DIAPH3: variants seen among roughly 807,000 people sequenced by gnomAD.
The protein encoded by DIAPH3 is diaphanous related formin 3.
A neutral mutation model predicts 144.3 loss-of-function variants in DIAPH3; 117 were observed. The ratio of observed to expected loss-of-function variants is 0.81; its 90% CI spans 0.70 to 0.95. The LOEUF (loss-of-function observed/expected upper bound fraction) is 0.95. Among genes scored for constraint, DIAPH3 ranks in the 40% least tolerant of loss-of-function variants. DIAPH3 has a pLI of 0.00. For missense variants in DIAPH3, 1,421 were observed against 1,412.7 expected (o/e 1.01, Z -0.09); for synonymous variants, 519 against 488.9 (o/e 1.06, Z -0.81).
intron 4 of DIAPH3, among the ~76,000 whole-genome samples, chr13:60,063,311 C>T (rs926515735): frequency 3.3e-5 from 5 of 152,176 alleles, no homozygotes; most frequent in Non-Finnish European, 7.3e-5. Flanking sequence ...ACCTCTAATT[C>T]TAGATCTCTT....
intron 22 of DIAPH3, among the ~76,000 whole-genome samples, chr13:59,854,276 G>T (rs772130463): frequency 5.9e-5 from 9 of 152,172 alleles, no homozygotes; most frequent in African/African-American, 1.9e-4. Context: ...CTAATACTAT[G>T]ATTTCAGAGA....
chr13:59,762,349 C>T (rs111410346), intron 27 of DIAPH3, among the ~76,000 whole-genome samples: 1,618 of 152,150 alleles, frequency 0.011, 44 homozygotes, highest in African/African-American at 0.036. Context: ...CGTGAGCCAC[C>T]GCGCCCGGCT....
At chr13:59,906,330 A>T (rs2046736985) in intron 20 of DIAPH3, among the ~76,000 whole-genome samples, 1 of 152,224 alleles carries the variant, frequency 6.6e-6, no homozygotes, top group Non-Finnish European at 1.5e-5. Flanking sequence ...TGGATTTTTT[A>T]AAATGTTCAC....
At chr13:59,895,923 G>C (rs781351828) in intron 20 of DIAPH3, among the ~76,000 whole-genome samples, 6 of 152,164 alleles carry the variant, frequency 3.9e-5, no homozygotes, top group Non-Finnish European at 7.4e-5. Context: ...AGAAAATAGG[G>C]ACAAGATTGA....
chr13:59,817,453 T>A (rs1301135612), intron 24 of DIAPH3, among the ~76,000 whole-genome samples: 1 of 151,922 alleles, frequency 6.6e-6, no homozygotes, highest in Non-Finnish European at 1.5e-5. Flanking sequence ...AATTAATGTC[T>A]TGAGTCAATT....
chr13:59,832,422 T>C (rs758353842), intron 24 of DIAPH3, among the ~76,000 whole-genome samples: 6 of 151,744 alleles, frequency 4.0e-5, no homozygotes, highest in Non-Finnish European at 8.8e-5. Context: ...CACAAACAAT[T>C]GCTAAAATAC....
intron 27 of DIAPH3, among the ~76,000 whole-genome samples, chr13:59,769,511 G>A (rs2038016564): frequency 6.6e-6 from 1 of 151,718 alleles, no homozygotes; most frequent in South Asian, 2.1e-4. Flanking sequence ...ATTCTCTGTG[G>A]GGGTGTCTTA....
At chr13:59,969,653 A>G (rs978646823) in intron 17 of DIAPH3, among the ~76,000 whole-genome samples, 8 of 152,188 alleles carry the variant, frequency 5.3e-5, no homozygotes, top group African/African-American at 1.7e-4. Flanking sequence ...CAAAACTGTC[A>G]CAGAAAATAT....
intron 1 of DIAPH3, among the ~76,000 whole-genome samples, chr13:60,139,154 G>A (rs2059371465): frequency 6.6e-6 from 1 of 152,208 alleles, no homozygotes; most frequent in South Asian, 2.1e-4. Context: ...ACACATAGAT[G>A]TGAAAATATT....
intron 5 of DIAPH3, among the ~76,000 whole-genome samples, chr13:60,026,477 T>G (rs2054381881): frequency 6.6e-6 from 1 of 152,144 alleles, no homozygotes; most frequent in African/African-American, 2.4e-5. Context: ...CTGTTCTTCT[T>G]TAAAGCACCA....
At chr13:59,733,324 C>G (rs757584882) in intron 27 of DIAPH3, among the ~76,000 whole-genome samples, 11 of 152,112 alleles carry the variant, frequency 7.2e-5, no homozygotes, top group Non-Finnish European at 7.4e-5. Context: ...TTCCTCAAAA[C>G]AAATAACAAA....
intron 20 of DIAPH3, among the ~76,000 whole-genome samples, chr13:59,901,867 T>C (rs936635281): frequency 9.2e-5 from 14 of 152,306 alleles, no homozygotes; most frequent in African/African-American, 3.1e-4. Context: ...CCAGGAGGCA[T>C]TCCCCAGGCT....
At chr13:60,089,377 A>G (rs2057855466) in intron 4 of DIAPH3, among the ~76,000 whole-genome samples, 1 of 152,230 alleles carries the variant, frequency 6.6e-6, no homozygotes. Flanking sequence ...AAAATAATCA[A>G]ACCCTAATAA....
At chr13:59,699,199 T>C (rs1411067545) in intron 27 of DIAPH3, among the ~76,000 whole-genome samples, 2 of 152,016 alleles carry the variant, frequency 1.3e-5, no homozygotes, top group Admixed American at 6.5e-5. Context: ...ATGCTGAGGG[T>C]TGTGGTTGCT....
intron 1 of DIAPH3, among the ~76,000 whole-genome samples, chr13:60,139,746 T>C (rs2059385507): frequency 6.6e-6 from 1 of 152,170 alleles, no homozygotes; most frequent in Non-Finnish European, 1.5e-5. Context: ...CTAACATAAC[T>C]CCAATATTCT....
intron 21 of DIAPH3, among the ~76,000 whole-genome samples, chr13:59,876,452 A>G (rs1740531541): frequency 6.6e-6 from 1 of 152,218 alleles, no homozygotes; most frequent in South Asian, 2.1e-4. Context: ...CTGTAGTAAA[A>G]GAATAACAGC....
chr13:59,796,581 G>C (rs1336736281), intron 25 of DIAPH3, among the ~76,000 whole-genome samples: 1 of 152,198 alleles, frequency 6.6e-6, no homozygotes, highest in Non-Finnish European at 1.5e-5. Flanking sequence ...TAAATGAAAA[G>C]AGTTGTCCAT....
intron 27 of DIAPH3, among the ~76,000 whole-genome samples, chr13:59,723,306 A>G (rs1363429738): frequency 6.6e-6 from 1 of 152,162 alleles, no homozygotes; most frequent in Non-Finnish European, 1.5e-5. Context: ...TTTTCCAGCA[A>G]CAGTGTGTCC....
intron 17 of DIAPH3, among the ~76,000 whole-genome samples, chr13:59,968,015 C>A (rs1463548602): frequency 5.9e-5 from 9 of 152,158 alleles, no homozygotes; most frequent in Admixed American, 5.9e-4. Flanking sequence ...ACCAGCAGTA[C>A]AAAGGCAGAG....
Sources: allele counts gnomAD v4.1 joint callset (sites outside exome capture counted in the v4.1 genomes callset), GRCh38; gene constraint gnomAD v4.1.1; transcripts MANE v1.5; gene names NCBI Gene and HGNC (gene_info 2026-07-23, HGNC 2026-07-21).